The following CALCRL variants were observed in gnomAD, a reference collection of about 807,000 sequenced individuals.
CALCRL encodes calcitonin receptor like receptor.
Under a neutral mutation model 60.4 loss-of-function variants are expected in CALCRL, and 27 were observed. The observed-to-expected ratio is 0.45, with a 90% confidence interval of 0.33 to 0.62. The LOEUF (loss-of-function observed/expected upper bound fraction) is 0.62. Ranked by LOEUF, CALCRL falls within the 20% of genes least tolerant of loss-of-function variation. The pLI is 0.03. For synonymous variants in CALCRL, 190 were observed against 182.6 expected, an observed-to-expected ratio of 1.04 and a Z score of -0.33; for missense variants, 424 against 540.7, an observed-to-expected ratio of 0.78 and a Z score of 2.14.
At chr2:187,420,796 C>G (rs909159616) in intron 1 of CALCRL, among the ~76,000 whole-genome samples, 3 of 152,044 alleles carry the variant, frequency 2.0e-5, no homozygotes, top group Admixed American at 6.6e-5. Flanking sequence ...TACACAAATA[C>G]AGTAATAATC....
intron 1 of CALCRL, among the ~76,000 whole-genome samples, chr2:187,398,914 G>A (rs944982753): frequency 6.6e-5 from 10 of 151,618 alleles, no homozygotes; most frequent in African/African-American, 2.2e-4. Flanking sequence ...TAATTTGGCC[G>A]TATTTGAAGG....
In CALCRL at chr2:187,343,990, T is replaced by C. The variant is rs1262602024; in HGVS notation, c.*2194A>G. On this transcript the variant is annotated 3_prime_UTR_variant, in exon 15 of 15. Transcript: ENST00000392370. Reference sequence around the variant, plus strand: ...TGAAAATTACATGTTTATTTTAATATAATCTCTGATCATTCAACATTTTTT... The same window carrying C: ...TGAAAATTACATGTTTATTTTAATACAATCTCTGATCATTCAACATTTTTT... 1 of 151,118 alleles carries C rather than the reference T, an allele frequency of 6.6e-6. No homozygotes were observed. Among genetic ancestry groups the C allele is most frequent in the Non-Finnish European group, 1.5e-5 (1 of 67,578 alleles). The allele number at this position is 151,118 out of a possible 1,614,324, so 9.4% of individuals were successfully genotyped here.
chr2:187,422,447 A>G (rs573396662), intron 1 of CALCRL, among the ~76,000 whole-genome samples: 1 of 152,268 alleles, frequency 6.6e-6, no homozygotes, highest in South Asian at 2.1e-4. Flanking sequence ...AAATAACTTG[A>G]CTAATTCAAT....
chr2:187,358,031 A>G (rs1376620515), intron 12 of CALCRL, among the ~76,000 whole-genome samples: 1 of 152,034 alleles, frequency 6.6e-6, no homozygotes, highest in African/African-American at 2.4e-5. Context: ...CTCTGAGACA[A>G]AGCATGCTAG....
At chr2:187,379,545 G>T (rs964506317) in intron 7 of CALCRL, among the ~76,000 whole-genome samples, 1 of 151,908 alleles carries the variant, frequency 6.6e-6, no homozygotes, top group Non-Finnish European at 1.5e-5. Context: ...CTTTCTCATG[G>T]TTTTCACTTT....
At chr2:187,412,025 A>G (rs1231511624) in intron 1 of CALCRL, among the ~76,000 whole-genome samples, 2 of 151,918 alleles carry the variant, frequency 1.3e-5, no homozygotes, top group Admixed American at 6.6e-5. Context: ...TGTGCAGAGA[A>G]AGAATTAGCA....
At chr2:187,401,660 T>C (rs1688892274) in intron 1 of CALCRL, among the ~76,000 whole-genome samples, 1 of 151,634 alleles carries the variant, frequency 6.6e-6, no homozygotes, top group African/African-American at 2.4e-5. Flanking sequence ...CTGTCAGTGA[T>C]TTCACTTTAC....
chr2:187,358,119 G>A (rs950031941), intron 12 of CALCRL, among the ~76,000 whole-genome samples: 4 of 152,002 alleles, frequency 2.6e-5, no homozygotes, highest in African/African-American at 4.8e-5. Context: ...TGGAGGCCAC[G>A]GCAGAAGGAT....
intron 4 of CALCRL, among the ~76,000 whole-genome samples, chr2:187,385,277 T>C (rs1247052953): frequency 6.6e-6 from 1 of 150,978 alleles, no homozygotes; most frequent in African/African-American, 2.4e-5. Flanking sequence ...AGTCATTCCA[T>C]TTTTTTTTCA....
intron 9 of CALCRL, among the ~76,000 whole-genome samples, chr2:187,362,871 G>GT (rs1687116230): frequency 6.6e-6 from 1 of 151,898 alleles, no homozygotes; most frequent in South Asian, 2.1e-4. Context: ...TCTTTTCCTG[G>GT]TTTTATTGAC....
chr2:187,402,788 CATAT>C (rs911580090), intron 1 of CALCRL, among the ~76,000 whole-genome samples: 3 of 151,754 alleles, frequency 2.0e-5, no homozygotes, highest in African/African-American at 7.2e-5. Context: ...GCATGTATTC[CATAT>C]ATTTGCTAAT....
At chr2:187,352,378 T>C (rs750257940) in intron 12 of CALCRL, 46 bp from the exon 13 acceptor site, 22 of 1,079,434 alleles carry the variant, frequency 2.0e-5, no homozygotes, top group East Asian at 5.0e-5. Flanking sequence ...TCATATTTAA[T>C]ATTAAGAAGC....
chr2:187,350,905 G>A (rs1178181066), intron 14 of CALCRL, among the ~76,000 whole-genome samples: 6 of 151,670 alleles, frequency 4.0e-5, no homozygotes, highest in African/African-American at 1.5e-4. Flanking sequence ...CCTCCTACAG[G>A]TTAAATTGTG....
chr2:187,362,730 T>C (rs140510001), intron 9 of CALCRL, among the ~76,000 whole-genome samples: 609 of 152,190 alleles, frequency 4.0e-3, no homozygotes, highest in Non-Finnish European at 7.2e-3. Flanking sequence ...TTTAGATAAG[T>C]AAATTTTAAA....
At chr2:187,397,271 T>A (rs1226391205) in intron 1 of CALCRL, among the ~76,000 whole-genome samples, 1 of 151,688 alleles carries the variant, frequency 6.6e-6, no homozygotes, top group East Asian at 1.9e-4. Context: ...GAGTTTTTTT[T>A]TATCTTCTGC....
intron 8 of CALCRL, among the ~76,000 whole-genome samples, chr2:187,369,278 A>G (rs1413075266): frequency 2.0e-5 from 3 of 152,156 alleles, no homozygotes; most frequent in Non-Finnish European, 4.4e-5. Flanking sequence ...GGAAACCAAG[A>G]GAAGAAAGTC....
At chr2:187,369,799 A>C (rs1450582925) in intron 8 of CALCRL, among the ~76,000 whole-genome samples, 1 of 152,226 alleles carries the variant, frequency 6.6e-6, no homozygotes, top group Non-Finnish European at 1.5e-5. Flanking sequence ...GAATGTGGCC[A>C]GGGTGAGAAG....
intron 14 of CALCRL, among the ~76,000 whole-genome samples, chr2:187,351,534 G>A (rs555937936): frequency 6.6e-6 from 1 of 151,902 alleles, no homozygotes; most frequent in South Asian, 2.1e-4. Flanking sequence ...AGGCAAAAAA[G>A]AGAAAGAGGG....
chr2:187,367,976 A>G (rs1254779651), intron 8 of CALCRL, among the ~76,000 whole-genome samples: 5 of 152,206 alleles, frequency 3.3e-5, no homozygotes, highest in African/African-American at 9.6e-5. Flanking sequence ...GTGTCTTTCA[A>G]TTCACTTTTG....
Sources: allele counts gnomAD v4.1 joint callset (sites outside exome capture counted in the v4.1 genomes callset), GRCh38; gene constraint gnomAD v4.1.1; transcripts MANE v1.5; gene names NCBI Gene and HGNC (gene_info 2026-07-23, HGNC 2026-07-21).